FAT3: variants seen among roughly 807,000 people sequenced by gnomAD.
The protein encoded by FAT3 is FAT atypical cadherin 3, also known as protocadherin Fat 3.
A neutral mutation model predicts 310.2 loss-of-function variants in FAT3; 95 were observed. The observed-to-expected ratio is 0.31, with a 90% CI of 0.26 to 0.36. FAT3 has a LOEUF of 0.36. Ranked by LOEUF, FAT3 falls within the 10% of genes least tolerant of loss-of-function variation. The pLI is 1.00. For synonymous variants in FAT3, 2,314 were observed against 2,192.9 expected, an observed-to-expected ratio of 1.06 and a Z score of -1.54; for missense variants, 5,408 against 5,715.6, an observed-to-expected ratio of 0.95 and a Z score of 1.74.
intron 1 of FAT3, among the ~76,000 whole-genome samples, chr11:92,293,260 T>G (rs1946746880): frequency 6.6e-6 from 1 of 151,502 alleles, no homozygotes. Context: ...ATGAGCTTTC[T>G]TTTTACTCCA....
intron 1 of FAT3, among the ~76,000 whole-genome samples, chr11:92,341,198 G>A (rs371189439): frequency 2.9e-4 from 44 of 152,298 alleles, no homozygotes; most frequent in African/African-American, 1.0e-3. Context: ...GTCTACAGAT[G>A]TCCCGTCCCT....
chr11:92,518,487 A>T (rs1252949150), intron 2 of FAT3, among the ~76,000 whole-genome samples: 2 of 152,076 alleles, frequency 1.3e-5, no homozygotes, highest in Non-Finnish European at 2.9e-5. Flanking sequence ...CAGGGAGGGT[A>T]ACATCACACA....
chr11:92,761,588 G>C (rs1265949368), intron 4 of FAT3, among the ~76,000 whole-genome samples: 1 of 152,026 alleles, frequency 6.6e-6, no homozygotes, highest in Non-Finnish European at 1.5e-5. Context: ...GTCTTTTATA[G>C]GGACATGAGT....
intron 1 of FAT3, among the ~76,000 whole-genome samples, chr11:92,281,258 C>T (rs1946413574): frequency 6.6e-6 from 1 of 152,060 alleles, no homozygotes; most frequent in African/African-American, 2.4e-5. Context: ...ATTGCAAAAG[C>T]TCACTGGAAG....
intron 3 of FAT3, among the ~76,000 whole-genome samples, chr11:92,662,993 C>A (rs1041222251): frequency 6.6e-6 from 1 of 152,156 alleles, no homozygotes; most frequent in African/African-American, 2.4e-5. Context: ...CAGTTCATTG[C>A]TGGAGACTGG....
In FAT3 at chr11:92,726,140, T is replaced by G. The variant is rs977739240; in HGVS notation, c.3669+28695T>G. On this transcript the variant is annotated intron_variant, in intron 4 of 27. Transcript: ENST00000525166. The stretch of plus-strand genomic sequence containing the variant: ...ACATCAATTATATACCAATAAAACA[T>G]ACAAAATTAAAAAACTTTAATAAAA... Among the ~76,000 whole-genome samples the G allele has an allele frequency of 2.8e-4, 43 of 152,212 alleles. 1 individual carries two copies. The highest frequency in any genetic ancestry group is 1.0e-3 in the African/African-American group (43 of 41,556).
intron 2 of FAT3, among the ~76,000 whole-genome samples, chr11:92,414,105 A>G (rs974244040): frequency 2.0e-5 from 3 of 152,164 alleles, no homozygotes; most frequent in Non-Finnish European, 4.4e-5. Flanking sequence ...CTCAGTCCTT[A>G]GGATTTTCTC....
At chr11:92,546,232 T>A (rs1275876814) in intron 3 of FAT3, among the ~76,000 whole-genome samples, 1 of 152,222 alleles carries the variant, frequency 6.6e-6, no homozygotes, top group African/African-American at 2.4e-5. Context: ...GCAGATCCTC[T>A]GCCCTTCCAT....
At position 92,790,226 on chromosome 11, in the gene FAT3, CA is replaced by C. The variant is rs527263029; in HGVS notation, c.4611+12del. The C allele has an allele frequency of 3.2e-3, 5,155 of 1,612,496 alleles. 14 individuals are homozygous for C. The highest frequency in any genetic ancestry group is 4.0e-3 in the Non-Finnish European group (4,764 of 1,178,860). ...CACATTCTCAACATAATGGTAGGAC[CA>C]AAATCCTAATTAGCACTCCTACAGA... On this transcript the variant is annotated intron_variant, in intron 8 of 27. Transcript: ENST00000525166.
chr11:92,700,782 C>G (rs916316698), intron 4 of FAT3, among the ~76,000 whole-genome samples: 5 of 152,130 alleles, frequency 3.3e-5, no homozygotes, highest in African/African-American at 1.2e-4. Flanking sequence ...CTCTCTCTCC[C>G]TTTGTCCTCT....
chr11:92,280,227 A>G (rs976280596), intron 1 of FAT3, among the ~76,000 whole-genome samples: 1 of 152,134 alleles, frequency 6.6e-6, no homozygotes, highest in Non-Finnish European at 1.5e-5. Context: ...TAGCTTTTCC[A>G]TTTTATCATA....
intron 8 of FAT3, among the ~76,000 whole-genome samples, chr11:92,791,382 A>G (rs1947036492): frequency 6.6e-6 from 1 of 152,230 alleles, no homozygotes; most frequent in African/African-American, 2.4e-5. Flanking sequence ...ATGGCAGACC[A>G]GTCTGCAGAC....
intron 3 of FAT3, among the ~76,000 whole-genome samples, chr11:92,591,580 GTTTTCT>G (rs1939428970): frequency 6.6e-6 from 1 of 152,082 alleles, no homozygotes; most frequent in African/African-American, 2.4e-5. Context: ...TACCTGTAAT[GTTTTCT>G]TTCAGAAAAT....
chr11:92,621,974 T>C (rs1941107911), intron 3 of FAT3, among the ~76,000 whole-genome samples: 1 of 152,156 alleles, frequency 6.6e-6, no homozygotes, highest in Non-Finnish European at 1.5e-5. Flanking sequence ...TGCATTGACA[T>C]GTTTAGATCC....
At chr11:92,570,242 A>T (rs1955625125) in intron 3 of FAT3, among the ~76,000 whole-genome samples, 1 of 152,170 alleles carries the variant, frequency 6.6e-6, no homozygotes, top group Non-Finnish European at 1.5e-5. Flanking sequence ...GTAATAAGAG[A>T]TTCAAACTTT....
chr11:92,300,787 A>G (rs938498598), intron 1 of FAT3, among the ~76,000 whole-genome samples: 4 of 152,052 alleles, frequency 2.6e-5, no homozygotes, highest in Admixed American at 6.6e-5. Flanking sequence ...ATAGTAAAAA[A>G]CCTTCAGTAT....
rs1343725478 is a variant in FAT3, at chr11:92,796,990, AG to A, written c.4823-845del. ...GATTATGTCTCAGGTTCTTGGTTGC[AG>A]TGCTGGTTCAGATTCCCAACAGTTT... On this transcript the variant is annotated intron_variant, in intron 9 of 27. Transcript: ENST00000525166. Among the ~76,000 whole-genome samples the A allele has an allele frequency of 4.6e-5, 7 of 152,244 alleles. No homozygotes were observed. In the East Asian group the frequency reaches 1.3e-3, roughly 29 times the overall value.
At chr11:92,583,692 C>T (rs1275111090) in intron 3 of FAT3, among the ~76,000 whole-genome samples, 1 of 151,954 alleles carries the variant, frequency 6.6e-6, no homozygotes, top group Non-Finnish European at 1.5e-5. Context: ...ACCCTTCAAC[C>T]GCAGGACACA....
chr11:92,425,428 T>C (rs764208216), intron 2 of FAT3, among the ~76,000 whole-genome samples: 16 of 152,126 alleles, frequency 1.1e-4, no homozygotes, highest in Non-Finnish European at 2.1e-4. Context: ...GGGATACACG[T>C]ACAGAACGTG....
Sources: gnomAD v4.1 joint callset for allele counts (sites outside exome capture counted in the v4.1 genomes callset) on GRCh38, gnomAD v4.1.1 for gene constraint, MANE v1.5 for transcripts, NCBI Gene and HGNC (gene_info 2026-07-23, HGNC 2026-07-21) for gene names.